The following CADM1 variants were observed in gnomAD, a reference collection of about 807,000 sequenced individuals.
CADM1 encodes the protein TSLC-1.
Under a neutral mutation model 53.1 loss-of-function variants are expected in CADM1, and 15 were observed. That is an observed-to-expected ratio of 0.28 (90% CI 0.19 to 0.44). The LOEUF (loss-of-function observed/expected upper bound fraction) is 0.44. CADM1 is among the 20% of genes least tolerant of loss of function. The pLI, the probability that CADM1 is intolerant of heterozygous loss-of-function variation, is 1.00. For synonymous variants in CADM1, 281 were observed against 243.0 expected (o/e 1.16, Z -1.45); for missense variants, 434 against 611.3 (o/e 0.71, Z 3.06).
intron 11 of CADM1, among the ~76,000 whole-genome samples, chr11:115,176,854 G>A (rs1939054797): frequency 6.6e-6 from 1 of 152,214 alleles, no homozygotes; most frequent in Admixed American, 6.5e-5. Flanking sequence ...GAGGATGTCA[G>A]CAGAAGAAGA....
chr11:115,502,432 C>G (rs1163900553), intron 1 of CADM1, among the ~76,000 whole-genome samples: 1 of 144,790 alleles, frequency 6.9e-6, no homozygotes, highest in Non-Finnish European at 1.5e-5. Context: ...GTTTAACTGA[C>G]ACTGGCGCTT....
intron 3 of CADM1, among the ~76,000 whole-genome samples, chr11:115,236,297 G>A (rs989453817): frequency 6.6e-6 from 1 of 152,062 alleles, no homozygotes; most frequent in African/African-American, 2.4e-5. Context: ...TGGAATATAC[G>A]AGTATCAGTG....
At chr11:115,273,033 G>A (rs1019881573) in intron 1 of CADM1, among the ~76,000 whole-genome samples, 1 of 152,132 alleles carries the variant, frequency 6.6e-6, no homozygotes, top group East Asian at 1.9e-4. Flanking sequence ...GGTCAATACC[G>A]GGTCAGAAAG....
At chr11:115,313,772 G>A (rs1323475893) in intron 1 of CADM1, among the ~76,000 whole-genome samples, 3 of 152,112 alleles carry the variant, frequency 2.0e-5, no homozygotes, top group Non-Finnish European at 4.4e-5. Flanking sequence ...TGCTCCTCCT[G>A]TACTTTCTCC....
At chr11:115,390,317 C>T (rs1946803065) in intron 1 of CADM1, among the ~76,000 whole-genome samples, 1 of 151,284 alleles carries the variant, frequency 6.6e-6, no homozygotes, top group South Asian at 2.1e-4. Context: ...ACTGGACAAG[C>T]CCAATTATAT....
At chr11:115,446,389 C>A (rs1948451801) in intron 1 of CADM1, among the ~76,000 whole-genome samples, 1 of 152,168 alleles carries the variant, frequency 6.6e-6, no homozygotes, top group South Asian at 2.1e-4. Context: ...CACTGCCTTC[C>A]ATTTATTTGT....
intron 1 of CADM1, among the ~76,000 whole-genome samples, chr11:115,503,101 G>A (rs1451147892): frequency 6.6e-6 from 1 of 152,042 alleles, no homozygotes; most frequent in African/African-American, 2.4e-5. Flanking sequence ...GCCTGCAGCA[G>A]GGGCCAGAGG....
intron 4 of CADM1, among the ~76,000 whole-genome samples, chr11:115,231,082 A>C (rs1345502680): frequency 2.0e-5 from 3 of 152,154 alleles, no homozygotes; most frequent in Non-Finnish European, 4.4e-5. Flanking sequence ...TAGCCTAAAG[A>C]GTTCTAGTTT....
Position 115,432,507 on chromosome 11 carries a change from C to T in CADM1, c.124+71764G>A, listed in dbSNP as rs531262658. Among the ~76,000 whole-genome samples, 4 of 152,336 alleles carry T rather than the reference C, an allele frequency of 2.6e-5. No homozygotes were observed. The South Asian group carries it at 6.2e-4, about 24-fold the overall frequency. On this transcript the variant is annotated intron_variant, in intron 1 of 11. Transcript: ENST00000331581. Reference sequence around the variant, plus strand: ...ACTTGGCATCTCAGCATCTAGCCTACAGCCTGGCTGTAGACTGCTGATCAA... The same window carrying T: ...ACTTGGCATCTCAGCATCTAGCCTATAGCCTGGCTGTAGACTGCTGATCAA...
chr11:115,491,365 A>G (rs1949492606), intron 1 of CADM1, among the ~76,000 whole-genome samples: 1 of 152,144 alleles, frequency 6.6e-6, no homozygotes, highest in Admixed American at 6.5e-5. Context: ...GGAGATCGAG[A>G]CCATCCTGGC....
intron 1 of CADM1, among the ~76,000 whole-genome samples, chr11:115,356,086 C>T (rs1244918713): frequency 3.3e-5 from 5 of 152,102 alleles, no homozygotes; most frequent in Non-Finnish European, 5.9e-5. Flanking sequence ...CCACCTTGGC[C>T]TCCCAAAGTG....
At chr11:115,281,047 G>A (rs1943570806) in intron 1 of CADM1, among the ~76,000 whole-genome samples, 1 of 152,214 alleles carries the variant, frequency 6.6e-6, no homozygotes, top group African/African-American at 2.4e-5. Context: ...CCTAATGTTA[G>A]CTATAAATGG....
chr11:115,194,878 G>A (rs1940075035), intron 9 of CADM1, among the ~76,000 whole-genome samples: 1 of 152,136 alleles, frequency 6.6e-6, no homozygotes, highest in South Asian at 2.1e-4. Context: ...GCCCACATAT[G>A]AACAAACGAA....
At chr11:115,320,002 T>C (rs1944778721) in intron 1 of CADM1, among the ~76,000 whole-genome samples, 1 of 152,222 alleles carries the variant, frequency 6.6e-6, no homozygotes, top group South Asian at 2.1e-4. Flanking sequence ...AAGTTACCTA[T>C]ATGCTGAGTA....
At chr11:115,322,476 C>T (rs1205541752) in intron 1 of CADM1, among the ~76,000 whole-genome samples, 1 of 152,166 alleles carries the variant, frequency 6.6e-6, no homozygotes, top group Non-Finnish European at 1.5e-5. Context: ...TGAATATATT[C>T]ATAGAGTTGT....
intron 1 of CADM1, among the ~76,000 whole-genome samples, chr11:115,338,011 G>A (rs1020213424): frequency 6.6e-6 from 1 of 152,062 alleles, no homozygotes; most frequent in Non-Finnish European, 1.5e-5. Context: ...TGGGTATCTC[G>A]GGTTGTAAAA....
intron 1 of CADM1, among the ~76,000 whole-genome samples, chr11:115,284,112 CTCTGTG>C (rs1254028592): frequency 1.7e-4 from 22 of 129,310 alleles, no homozygotes; most frequent in Non-Finnish European, 2.6e-4. Context: ...CTCTCTCTCT[CTCTGTG>C]TGTGTGTGTG....
At chr11:115,399,067 A>G (rs1453386026) in intron 1 of CADM1, 6 of 152,332 alleles carry the variant, frequency 3.9e-5, no homozygotes, top group African/African-American at 1.4e-4. Context: ...CTTCCCAACA[A>G]TCTGATACGT....
rs1400397937 is a variant in CADM1, at chr11:115,423,323, C to T, written c.124+80948G>A. ...CAGAAAGATAATCCTCAACTAAGTG[C>T]TTTTAACATTCATCTCTATGGCTTG... On this transcript the variant is annotated intron_variant, in intron 1 of 11. Coordinates refer to ENST00000331581, the MANE Select transcript of CADM1 (RefSeq NM_001301043.2). Among the ~76,000 whole-genome samples the T allele has an allele frequency of 2.6e-5, 4 of 152,138 alleles. 1 individual carries two copies. The highest frequency in any genetic ancestry group is 1.3e-4 in the Admixed American group (2 of 15,266).
Sources: gnomAD v4.1 joint callset for allele counts (sites outside exome capture counted in the v4.1 genomes callset) on GRCh38, gnomAD v4.1.1 for gene constraint, MANE v1.5 for transcripts, NCBI Gene and HGNC (gene_info 2026-07-23, HGNC 2026-07-21) for gene names.